The following OXGR1 variants were observed in gnomAD, a reference collection of about 807,000 sequenced individuals.
The protein encoded by OXGR1 is oxoglutarate receptor 1, also known as 2-oxoglutarate receptor 1.
A neutral mutation model predicts 10.0 loss-of-function variants in OXGR1; 10 were observed. The observed-to-expected ratio is 1.00, with a 90% confidence interval of 0.62 to 1.70. The LOEUF (loss-of-function observed/expected upper bound fraction) is 1.70, where lower values mean the gene tolerates loss of function less well. OXGR1 is among the 40% of genes most tolerant of loss of function. The pLI is 0.00. For synonymous variants in OXGR1, 191 were observed against 155.9 expected, an observed-to-expected ratio of 1.22 and a Z score of -1.68; for missense variants, 398 against 407.6, an observed-to-expected ratio of 0.98 and a Z score of 0.20.
rs1233590996 is a variant in OXGR1, at chr13:96,989,746, T to G, written c.-75+12A>C. On this transcript the variant is annotated intron_variant, in intron 3 of 3. Coordinates refer to ENST00000541038, the MANE Select transcript of OXGR1 (RefSeq NM_001346194.2). The stretch of plus-strand genomic sequence containing the variant: ...AAGTGCCTGTAATCACAAAGACCAG[T>G]TAGCACATTACCTCTCAGTGCTGTC... 1 of 152,162 alleles carries G rather than the reference T, an allele frequency of 6.6e-6. No individual in the cohort carries two copies. Among genetic ancestry groups the G allele is most frequent in the Non-Finnish European group, 1.5e-5 (1 of 68,020 alleles). 9.4% of individuals were successfully genotyped at this position (152,162 alleles called of 1,614,324 possible).
At chr13:96,988,232 TTTC>T (rs1298924273) in intron 3 of OXGR1, among the ~76,000 whole-genome samples, 1 of 152,164 alleles carries the variant, frequency 6.6e-6, no homozygotes, top group Non-Finnish European at 1.5e-5. Context: ...CTGAAAAGTG[TTTC>T]TTATTACCTC....
chr13:96,986,984 A>T lies in OXGR1; in HGVS notation c.776T>A (p.Ile259Asn). 6.2e-7 allele frequency: 1 copy of T among 1,614,202 alleles called. No individual in the cohort carries two copies. Among genetic ancestry groups the T allele is most frequent in the Non-Finnish European group, 8.5e-7 (1 of 1,180,028 alleles). The change falls in exon 4 of 4, where the codon ATC (isoleucine) becomes AAC (asparagine). Residue 259 changes from isoleucine (I) to asparagine (N), a missense_variant. Transcript: ENST00000541038. ...AFYVCFLPFH[I>N]LRVIRIESRL... ...AGATTCGATCCGAATGACCCTCAAG[A>T]TATGGAAGGGTAAAAAACATACGTA...
chr13:96,990,252 T>A (rs1449904451), intron 2 of OXGR1, among the ~76,000 whole-genome samples: 1 of 152,100 alleles, frequency 6.6e-6, no homozygotes, highest in Non-Finnish European at 1.5e-5. Flanking sequence ...AAGAAAATGG[T>A]CACAGCCAAG....
Position 96,987,016 on chromosome 13 carries a change from A to G in OXGR1, c.744T>C (p.Leu248=). The G allele has an allele frequency of 6.2e-7, 1 of 1,614,242 alleles. No homozygotes were observed. The highest frequency in any genetic ancestry group is 2.2e-5 in the East Asian group (1 of 44,892). The part of the protein sequence containing the change: ...KARRLTILLL[L]AFYVCFLPFH... ...AGGGTAAAAAACATACGTAAAATGC[A>G]AGGAGTAGCAGAATGGTTAGCCTTC... Residue 248 remains leucine (L), a synonymous_variant, in exon 4 of 4, where the codon CTT becomes CTC. Coordinates refer to ENST00000541038, the MANE Select transcript of OXGR1 (RefSeq NM_001346194.2).
Position 96,986,967 on chromosome 13 carries a change from T to C in OXGR1, c.793A>G (p.Ile265Val). 1.9e-6 allele frequency: 3 copies of C among 1,614,150 alleles called. No homozygotes were observed. Among genetic ancestry groups the C allele is most frequent in the Non-Finnish European group, 2.5e-6 (3 of 1,180,036 alleles). Reference sequence around the variant, plus strand: ...CTGATTGAAAGCAGGCGAGATTCGATCCGAATGACCCTCAAGATATGGAAG... The same window carrying C: ...CTGATTGAAAGCAGGCGAGATTCGACCCGAATGACCCTCAAGATATGGAAG... ...LPFHILRVIR[I>V]ESRLLSISCS... is the part of the protein sequence containing the mutation. The change falls in exon 4 of 4, where the codon ATC becomes GTC. Residue 265 changes from isoleucine (I) to valine (V), a missense_variant. Physicochemically the swap from Ile to Val is conservative, Grantham distance 29. Transcript: ENST00000541038.
intron 3 of OXGR1, 34 bp from the exon 4 acceptor site, chr13:96,987,867 G>A: frequency 3.6e-6 from 5 of 1,395,762 alleles, no homozygotes; most frequent in South Asian, 3.5e-5. Context: ...TTAATGATAG[G>A]GTAATAAAAA....
Position 96,987,564 on chromosome 13 carries a change from T to C in OXGR1, c.196A>G (p.Lys66Glu). 1.2e-6 allele frequency: 2 copies of C among 1,614,128 alleles called. No individual in the cohort carries two copies. The highest frequency in any genetic ancestry group is 1.7e-6 in the Non-Finnish European group (2 of 1,179,990). ...STYIFKMRPW[K>E]SSTIIMLNLA... is the part of the protein sequence containing the mutation. The stretch of plus-strand genomic sequence containing the variant: ...TTCAGCATAATGATGGTGCTGCTCT[T>C]CCAAGGTCTCATTTTGAAAATGTAA... The change falls in exon 4 of 4, where the codon AAG becomes GAG. Residue 66 changes from lysine to glutamate, a missense_variant. By Grantham distance (56) the Lys-to-Glu change is moderately conservative. Transcript: ENST00000541038.
In OXGR1 at chr13:96,986,645, G is replaced by GT; in HGVS notation, c.*100dup. The GT allele has an allele frequency of 7.9e-7, 1 of 1,262,918 alleles. No homozygotes were observed. Among genetic ancestry groups the GT allele is most frequent in the Non-Finnish European group, 1.1e-6 (1 of 916,806 alleles). The allele number at this position is 1,262,918 out of a possible 1,614,324, so 78.2% of individuals were successfully genotyped here. On this transcript the variant is annotated 3_prime_UTR_variant, in exon 4 of 4. Coordinates refer to ENST00000541038, the MANE Select transcript of OXGR1 (RefSeq NM_001346194.2). ...TGGCACATGATTACTTGAATACACAGTATTTACCAGGAGTTCCATTGAGGG... is the reference window on the plus strand; with the variant it reads ...TGGCACATGATTACTTGAATACACAGTTATTTACCAGGAGTTCCATTGAGGG...
rs768349854 is a variant in OXGR1, at chr13:96,986,732, G to C, written c.*14C>G. The C allele has an allele frequency of 6.3e-7, 1 of 1,582,672 alleles. No homozygotes were observed. Among genetic ancestry groups the C allele is most frequent in the Admixed American group, 1.8e-5 (1 of 56,140 alleles). On this transcript the variant is annotated 3_prime_UTR_variant, in exon 4 of 4. Transcript: ENST00000541038. ...TCAGCAAGTATTTGTTTTTGGTTAA[G>C]TAAATGAAATATTTCAAGGGTTGTT...
At chr13:96,994,107 G>C (rs968686317) in intron 1 of OXGR1, among the ~76,000 whole-genome samples, 191 bp downstream of exon 1, 2 of 152,184 alleles carry the variant, frequency 1.3e-5, no homozygotes, top group Admixed American at 6.5e-5. Flanking sequence ...CACAGGATCT[G>C]GGGTGCTCCT....
chr13:96,987,318 G>A lies in OXGR1; in HGVS notation c.442C>T (p.Arg148Ter), dbSNP rs1260719827. The stretch of plus-strand genomic sequence containing the variant: ...ACAGCACAGGCTACAACTGCACATC[G>A]AGTTTTGTGAATGGAAAAGCAGCTC... ...PMSCFSIHKT[R>*]CAVVACAVVW... Residue 148 changes from arginine (R) to a stop codon, truncating the protein, a stop_gained, in exon 4 of 4, where the codon CGA becomes TGA. Coordinates refer to ENST00000541038, the MANE Select transcript of OXGR1 (RefSeq NM_001346194.2). LOFTEE classifies it high-confidence loss of function. 6.2e-7 allele frequency: 1 copy of A among 1,614,076 alleles called. No homozygotes were observed. Among genetic ancestry groups the A allele is most frequent in the African/African-American group, 1.3e-5 (1 of 74,894 alleles).
At chr13:96,989,871 C>T (rs1244547275) in intron 2 of OXGR1, 62 bp from the exon 3 acceptor site, 1 of 152,118 alleles carries the variant, frequency 6.6e-6, no homozygotes, top group Non-Finnish European at 1.5e-5. Flanking sequence ...TCAGAAAGCT[C>T]AATAAATCAA....
chr13:96,992,624 G>A (rs1446996620), intron 1 of OXGR1, 52 bp from the exon 2 acceptor site: 2 of 152,212 alleles, frequency 1.3e-5, no homozygotes, highest in African/African-American at 4.8e-5. Context: ...AGTGGCAGCA[G>A]ATACTACTTC....
rs954554183 is a variant in OXGR1 at position 96,994,385 on chromosome 13, C to G, written c.-365G>C. 5.9e-5 allele frequency: 9 copies of G among 152,116 alleles called. No individual in the cohort carries two copies. The highest frequency in any genetic ancestry group is 2.2e-4 in the African/African-American group (9 of 41,416). The allele number at this position is 152,116 out of a possible 1,614,324, so 9.4% of individuals were successfully genotyped here. On this transcript the variant is annotated 5_prime_UTR_variant, in exon 1 of 4. Coordinates refer to ENST00000541038, the MANE Select transcript of OXGR1 (RefSeq NM_001346194.2). Reference sequence around the variant, plus strand: ...CCGCAGACCTGTCCCGGGGAGGCTGCGCACCGCCCCGCCCCTCCCACCCCT... The same window carrying G: ...CCGCAGACCTGTCCCGGGGAGGCTGGGCACCGCCCCGCCCCTCCCACCCCT...
At chr13:96,988,701 C>T (rs376402971) in intron 3 of OXGR1, among the ~76,000 whole-genome samples, 82 of 152,190 alleles carry the variant, frequency 5.4e-4, no homozygotes, top group East Asian at 4.2e-3. Context: ...CATTTAGTAG[C>T]GTGTTCCTAA....
Position 96,986,613 on chromosome 13 carries a change from C to T in OXGR1, c.*133G>A, listed in dbSNP as rs1881749754. 1 of 929,554 alleles carries T rather than the reference C, an allele frequency of 1.1e-6. No individual in the cohort carries two copies. Among genetic ancestry groups the T allele is most frequent in the South Asian group, 1.7e-5 (1 of 58,450 alleles). 57.6% of individuals were successfully genotyped at this position (929,554 alleles called of 1,614,324 possible). ...ATTGCAAAGAACTAGAAGCTCTGCC[C>T]TGGCTTTGGCACATGATTACTTGAA... On this transcript the variant is annotated 3_prime_UTR_variant, in exon 4 of 4. Transcript: ENST00000541038.
rs762458291 is a variant in OXGR1 at position 96,987,682 on chromosome 13, A to G, written c.78T>C (p.Asp26=). The G allele has an allele frequency of 1.9e-6, 3 of 1,614,048 alleles. No homozygotes were observed. The highest frequency in any genetic ancestry group is 1.1e-5 in the South Asian group (1 of 91,016). ...AGTGCATCTTGAGTGGGATGTTTTC[A>G]TCAGTGCAATTTCCAAAAGCAGCTG... ...DYAAAFGNCT[D]ENIPLKMHYL... is the part of the protein sequence containing the mutation. Residue 26 remains aspartate (D), a synonymous_variant, in exon 4 of 4, where the codon GAT becomes GAC. Transcript: ENST00000541038.
rs1474207905 is a variant in OXGR1 at position 96,987,309 on chromosome 13, C to T, written c.451G>A (p.Val151Ile). 4.3e-6 allele frequency: 7 copies of T among 1,614,106 alleles called. No homozygotes were observed. The highest frequency in any genetic ancestry group is 1.7e-5 in the Admixed American group (1 of 60,004). The change falls in exon 4 of 4, where the codon GTT (valine) becomes ATT (isoleucine). Residue 151 changes from valine (V) to isoleucine (I), a missense_variant. Val to Ile is a conservative substitution (Grantham distance 29). Coordinates refer to ENST00000541038, the MANE Select transcript of OXGR1 (RefSeq NM_001346194.2). ...CFSIHKTRCA[V>I]VACAVVWIIS... Reference sequence around the variant, plus strand: ...ATCCACACCACAGCACAGGCTACAACTGCACATCGAGTTTTGTGAATGGAA... The same window carrying T: ...ATCCACACCACAGCACAGGCTACAATTGCACATCGAGTTTTGTGAATGGAA...
In OXGR1 at chr13:96,987,235, G is replaced by A. The variant is rs749960855; in HGVS notation, c.525C>T (p.Thr175=). The A allele has an allele frequency of 4.3e-6, 7 of 1,613,984 alleles. No individual in the cohort carries two copies. The East Asian group carries it at 1.1e-4, about 26-fold the overall frequency. Residue 175 remains threonine (T), a synonymous_variant, in exon 4 of 4, where the codon ACC becomes ACT. Transcript: ENST00000541038. ...VIPMTFLITS[T]NRTNRSACLD... ...GACAGGCTGATCTGTTGGTCCTGTT[G>A]GTTGATGTGATCAAGAAGGTCATCG...
Sources: gnomAD v4.1 joint callset for allele counts (sites outside exome capture counted in the v4.1 genomes callset) on GRCh38, gnomAD v4.1.1 for gene constraint, MANE v1.5 for transcripts, NCBI Gene and HGNC (gene_info 2026-07-23, HGNC 2026-07-21) for gene names.